CFAP47: variants seen among roughly 807,000 people sequenced by gnomAD.
The protein encoded by CFAP47 is cilia- and flagella-associated protein 47.
A neutral mutation model predicts 148.1 loss-of-function variants in CFAP47; 29 were observed. That is an observed-to-expected ratio of 0.20 (90% CI 0.15 to 0.27). The LOEUF (loss-of-function observed/expected upper bound fraction) is 0.27. CFAP47 is among the 10% of genes least tolerant of loss of function. CFAP47 has a pLI of 1.00. For synonymous variants in CFAP47, 664 were observed against 577.3 expected (o/e 1.15, Z -2.15); for missense variants, 1,872 against 1,697.5 (o/e 1.10, Z -1.81).
intron 54 of CFAP47, among the ~76,000 whole-genome samples, chrX:36,304,460 T>C (rs1556008476): frequency 9.0e-6 from 1 of 111,205 alleles, no homozygotes; most frequent in Admixed American, 9.6e-5. Flanking sequence ...TACAAAACAA[T>C]ATCATGTTAA....
intron 39 of CFAP47, among the ~76,000 whole-genome samples, chrX:36,164,084 A>T (rs368472625): frequency 5.4e-5 from 6 of 111,658 alleles, no homozygotes; most frequent in Middle Eastern, 4.7e-3. Context: ...ATTTATGAAG[A>T]TTTGTTTTAT....
chrX:36,323,002 G>C (rs1275974037), intron 57 of CFAP47, among the ~76,000 whole-genome samples: 1 of 110,543 alleles, frequency 9.0e-6, no homozygotes, highest in Non-Finnish European at 1.9e-5. Context: ...TAAGACATTG[G>C]GGCACTATTG....
chrX:36,384,142 A>C (rs1942105059), intron 63 of CFAP47, among the ~76,000 whole-genome samples: 1 of 110,313 alleles, frequency 9.1e-6, no homozygotes, highest in Admixed American at 9.8e-5. Flanking sequence ...GGATTTTGAG[A>C]CCAGCCTGGC....
At chrX:35,941,484 T>C in intron 3 of CFAP47, 86 bp downstream of exon 3, 1 of 482,289 alleles carries the variant, frequency 2.1e-6, no homozygotes, top group Non-Finnish European at 3.3e-6. Flanking sequence ...GATTACCTAA[T>C]TTAACTGAAA....
chrX:36,371,672 A>ATG lies in CFAP47; in HGVS notation c.9185+4549_9185+4550dup, dbSNP rs1491349289. Among the ~76,000 whole-genome samples the ATG allele has an allele frequency of 2.4e-3, 171 of 70,052 alleles. 13 individuals are homozygous for ATG. Among genetic ancestry groups the ATG allele is most frequent in the African/African-American group, 0.012 (138 of 11,987 alleles). The allele number at this position is 70,052 out of a possible 115,157, so 60.8% of individuals were successfully genotyped here. A position where few individuals can be genotyped will look rare whatever the true frequency, so the allele number is the denominator to read the frequency against. Reference sequence around the variant, plus strand: ...TGTATATATGTGTGTATATACACACATGTGTATATATGTGTGTATATACAC... The same window carrying ATG: ...TGTATATATGTGTGTATATACACACATGTGTGTATATATGTGTGTATATACAC... On this transcript the variant is annotated intron_variant, in intron 62 of 63. Coordinates refer to ENST00000378653, the MANE Select transcript of CFAP47 (RefSeq NM_001304548.2).
chrX:35,987,460 C>T (rs908690107), intron 15 of CFAP47, among the ~76,000 whole-genome samples: 2 of 111,320 alleles, frequency 1.8e-5, no homozygotes, highest in African/African-American at 6.5e-5. Context: ...GCCCCTCCCC[C>T]ACTAAGAGCC....
At chrX:36,177,319 G>A (rs980679051) in intron 39 of CFAP47, among the ~76,000 whole-genome samples, 8 of 112,045 alleles carry the variant, frequency 7.1e-5, no homozygotes, top group South Asian at 7.3e-4. Flanking sequence ...TTTTATTTGT[G>A]TGTCAAATTT....
At chrX:36,367,196 T>C in intron 62 of CFAP47, 69 bp downstream of exon 62, 1 of 786,457 alleles carries the variant, frequency 1.3e-6, no homozygotes. Flanking sequence ...AAATTTAAGA[T>C]GGAAAATTCT....
At chrX:36,312,705 T>C (rs1192676685) in intron 56 of CFAP47, among the ~76,000 whole-genome samples, 1 of 111,899 alleles carries the variant, frequency 8.9e-6, no homozygotes, top group Non-Finnish European at 1.9e-5. Context: ...TTGCTGTACA[T>C]TTCTTTCTGC....
intron 39 of CFAP47, among the ~76,000 whole-genome samples, chrX:36,165,722 T>C (rs1043515610): frequency 8.9e-6 from 1 of 111,955 alleles, no homozygotes; most frequent in Non-Finnish European, 1.9e-5. Flanking sequence ...TTCTGGCAGT[T>C]AGAAGTCCAA....
chrX:36,264,288 C>A (rs950620441), intron 49 of CFAP47, among the ~76,000 whole-genome samples: 6 of 111,441 alleles, frequency 5.4e-5, no homozygotes, highest in Admixed American at 4.7e-4. Flanking sequence ...ATCACGTACA[C>A]CCCCCAGTCC....
At chrX:36,056,577 G>T (rs1937556444) in intron 26 of CFAP47, among the ~76,000 whole-genome samples, 1 of 112,254 alleles carries the variant, frequency 8.9e-6, no homozygotes, top group African/African-American at 3.2e-5. Context: ...GCTATAATGG[G>T]TGATCACAAC....
Position 36,153,805 on chromosome X carries a change from G to A in CFAP47, c.5786+4582G>A, listed in dbSNP as rs931312477. On this transcript the variant is annotated intron_variant, in intron 37 of 63. Transcript: ENST00000378653. ...CTGGGTCTGCTGAAGCAGCACCTGG[G>A]GCAGCCAAGGAGCATGATACTGGAA... 2.7e-5 allele frequency among the ~76,000 whole-genome samples: 3 copies of A among 111,806 alleles called. No individual in the cohort carries two copies. In the Admixed American group the frequency reaches 2.9e-4, roughly 11 times the overall value.
intron 37 of CFAP47, among the ~76,000 whole-genome samples, chrX:36,149,616 TA>T (rs68149068): frequency 0.082 from 5,007 of 61,418 alleles, 499 homozygotes; most frequent in African/African-American, 0.35. Flanking sequence ...TTATTTATTT[TA>T]TTTTTTTTTG....
chrX:36,121,573 A>G (rs1317386334), intron 33 of CFAP47, among the ~76,000 whole-genome samples: 1 of 111,219 alleles, frequency 9.0e-6, no homozygotes, highest in Non-Finnish European at 1.9e-5. Flanking sequence ...GCTTGCAAAT[A>G]TTGTCTTATA....
chrX:36,303,240 G>T (rs951729322), intron 53 of CFAP47, among the ~76,000 whole-genome samples: 6 of 111,573 alleles, frequency 5.4e-5, no homozygotes, highest in Admixed American at 9.5e-5. Context: ...AGGCTGGAGC[G>T]CAGTGGTGCA....
intron 40 of CFAP47, among the ~76,000 whole-genome samples, chrX:36,181,336 G>A (rs1270425766): frequency 6.3e-5 from 7 of 111,369 alleles, no homozygotes; most frequent in Non-Finnish European, 1.1e-4. Context: ...ATCTAAAGCT[G>A]CAAGTAAGGT....
At chrX:36,077,493 T>C (rs774581316) in intron 29 of CFAP47, among the ~76,000 whole-genome samples, 1 of 108,555 alleles carries the variant, frequency 9.2e-6, no homozygotes, top group South Asian at 4.1e-4. Context: ...ACCCCCTTGG[T>C]CAGATGTATT....
At position 36,367,131 on chromosome X, in the gene CFAP47, A is replaced by G. The variant is rs1388853169; in HGVS notation, c.9185+4A>G. The G allele has an allele frequency of 8.0e-6, 9 of 1,122,027 alleles. No homozygotes were observed. Among genetic ancestry groups the G allele is most frequent in the Non-Finnish European group, 1.1e-5 (9 of 842,868 alleles). 92.5% of individuals were successfully genotyped at this position (1,122,027 alleles called of 1,213,427 possible). Reference sequence around the variant, plus strand: ...TTAGGCTGAAAAGTCAGACAAGGTAATATATTAAACAAAAGTATGTAGCTG... The same window carrying G: ...TTAGGCTGAAAAGTCAGACAAGGTAGTATATTAAACAAAAGTATGTAGCTG... On this transcript the variant is annotated splice_donor_region_variant and intron_variant, in intron 62 of 63. Coordinates refer to ENST00000378653, the MANE Select transcript of CFAP47 (RefSeq NM_001304548.2).
Sources: gnomAD v4.1 joint callset for allele counts (sites outside exome capture counted in the v4.1 genomes callset) on GRCh38, gnomAD v4.1.1 for gene constraint, MANE v1.5 for transcripts, NCBI Gene and HGNC (gene_info 2026-07-23, HGNC 2026-07-21) for gene names.